The following DPH6 variants were observed in gnomAD, a reference collection of about 807,000 sequenced individuals.
DPH6 encodes diphthamine biosynthesis 6.
A neutral mutation model predicts 38.2 loss-of-function variants in DPH6; 33 were observed. The observed-to-expected ratio is 0.86, with a 90% confidence interval of 0.65 to 1.15. The LOEUF is 1.15. Among genes scored for constraint, DPH6 ranks in the 50% most tolerant of loss-of-function variants. The pLI is 0.00. For missense variants in DPH6, 325 were observed against 320.0 expected (o/e 1.02, Z -0.12); for synonymous variants, 108 against 103.0 (o/e 1.05, Z -0.30).
At chr15:35,250,251 G>A (rs531192061) in intron 3 of DPH6, among the ~76,000 whole-genome samples, 54 of 152,010 alleles carry the variant, frequency 3.6e-4, no homozygotes, top group African/African-American at 1.2e-3. Flanking sequence ...ATACCCTAAT[G>A]GCTTAACATT....
chr15:35,248,001 G>A (rs2051647561), intron 3 of DPH6, among the ~76,000 whole-genome samples: 1 of 152,142 alleles, frequency 6.6e-6, no homozygotes, highest in Non-Finnish European at 1.5e-5. Flanking sequence ...AAAATCAATG[G>A]TAAATAGTGC....
chr15:35,341,206 T>C (rs1208971352), intron 3 of DPH6, among the ~76,000 whole-genome samples: 1 of 152,160 alleles, frequency 6.6e-6, no homozygotes, highest in Non-Finnish European at 1.5e-5. Context: ...GTTCTCATGT[T>C]GTTTTTCAGC....
At chr15:35,154,771 A>G in the DPH6 span, among the ~76,000 whole-genome samples, 2 of 152,156 alleles carry the variant, frequency 1.3e-5, no homozygotes, top group Non-Finnish European at 2.9e-5. Flanking sequence ...TACTCATAGT[A>G]GCCTTAACAC....
At chr15:35,207,871 GA>G in the DPH6 span, among the ~76,000 whole-genome samples, 5 of 151,942 alleles carry the variant, frequency 3.3e-5, no homozygotes, top group African/African-American at 1.2e-4. Context: ...CCACTAACCG[GA>G]ATTCTCAAAT....
At chr15:35,304,622 C>G (rs1251683397) in intron 3 of DPH6, among the ~76,000 whole-genome samples, 1 of 151,922 alleles carries the variant, frequency 6.6e-6, no homozygotes, top group African/African-American at 2.4e-5. Context: ...GAAGGATTAC[C>G]ACAGTTAAGT....
intron 3 of DPH6, among the ~76,000 whole-genome samples, chr15:35,252,902 A>G: frequency 6.6e-6 from 1 of 152,344 alleles, no homozygotes; most frequent in East Asian, 1.9e-4. Flanking sequence ...TTCTTTATCC[A>G]GTTGAGAAAT....
intron 2 of DPH6, among the ~76,000 whole-genome samples, chr15:35,540,503 A>G (rs971807171): frequency 6.6e-6 from 1 of 152,082 alleles, no homozygotes; most frequent in Non-Finnish European, 1.5e-5. Flanking sequence ...ATAATTCCCA[A>G]TGTCCTGCTG....
chr15:35,326,103 A>T, downstream of DPH6, among the ~76,000 whole-genome samples: 1 of 152,210 alleles, frequency 6.6e-6, no homozygotes, highest in East Asian at 1.9e-4. Context: ...GGAAGTAGAA[A>T]TTGGCACTAT....
In DPH6 at chr15:35,243,344, C is replaced by T. The variant is rs1158226287; in HGVS notation, n.201-22762G>A. ...CATACCACCCCCCAAAAATTTTCGC[C>T]GCCCCAACACTTCAACACTATTTTG... is the stretch of plus-strand genomic sequence containing the variant. On this transcript the variant is annotated intron_variant and non_coding_transcript_variant, in intron 3 of 3. Transcript: ENST00000560386. Among the ~76,000 whole-genome samples, 5 of 141,692 alleles carry T rather than the reference C, an allele frequency of 3.5e-5. 2 individuals are homozygous for T. Among genetic ancestry groups the T allele is most frequent in the Admixed American group, 3.1e-4 (4 of 12,978 alleles). The allele number at this position is 141,692 out of a possible 152,430, so 93.0% of individuals were successfully genotyped here.
the DPH6 span, among the ~76,000 whole-genome samples, chr15:35,200,374 G>A: frequency 5.9e-5 from 9 of 152,074 alleles, no homozygotes; most frequent in African/African-American, 2.2e-4. Flanking sequence ...ATAAAAGCAG[G>A]AACATTTTGA....
intron 3 of DPH6, among the ~76,000 whole-genome samples, chr15:35,250,159 C>T (rs1195720065): frequency 2.0e-5 from 3 of 151,586 alleles, no homozygotes; most frequent in African/African-American, 7.3e-5. Flanking sequence ...GCCTGGGTGA[C>T]ACAGCGAGAT....
At chr15:35,455,958 T>A (rs1432650079) in intron 3 of DPH6, among the ~76,000 whole-genome samples, 1 of 152,180 alleles carries the variant, frequency 6.6e-6, no homozygotes, top group African/African-American at 2.4e-5. Flanking sequence ...AAGGATGCCA[T>A]AATAAATAAA....
At chr15:35,354,002 T>C (rs1275809366) in intron 3 of DPH6, among the ~76,000 whole-genome samples, 2 of 152,178 alleles carry the variant, frequency 1.3e-5, no homozygotes, top group African/African-American at 2.4e-5. Flanking sequence ...TCACATCCCT[T>C]ATAAGTTGGA....
chr15:35,152,188 T>C, the DPH6 span, among the ~76,000 whole-genome samples: 1 of 152,164 alleles, frequency 6.6e-6, no homozygotes, highest in African/African-American at 2.4e-5. Flanking sequence ...ATGGTAAAAT[T>C]AGTTTTCTTA....
At chr15:35,145,778 A>G in the DPH6 span, among the ~76,000 whole-genome samples, 1 of 152,228 alleles carries the variant, frequency 6.6e-6, no homozygotes, top group Non-Finnish European at 1.5e-5. Flanking sequence ...TTATTTATGC[A>G]CTGTGAAAAG....
intron 3 of DPH6, among the ~76,000 whole-genome samples, chr15:35,344,730 AC>A (rs974891516): frequency 2.6e-4 from 39 of 152,052 alleles, no homozygotes; most frequent in African/African-American, 9.4e-4. Flanking sequence ...TAACTGAATA[AC>A]TTTATTCAGC....
At chr15:35,305,937 A>T (rs1410167022) in intron 3 of DPH6, among the ~76,000 whole-genome samples, 1 of 152,146 alleles carries the variant, frequency 6.6e-6, no homozygotes, top group East Asian at 1.9e-4. Context: ...ACATCTGTGC[A>T]CTTTGGATCA....
intron 3 of DPH6, among the ~76,000 whole-genome samples, chr15:35,259,031 C>T (rs1336857697): frequency 5.9e-5 from 9 of 151,618 alleles, no homozygotes; most frequent in East Asian, 3.9e-4. Context: ...CCTGTAATCC[C>T]GCTACTGGGG....
intron 5 of DPH6, among the ~76,000 whole-genome samples, chr15:35,448,604 T>C (rs2141074421): frequency 6.6e-6 from 1 of 152,254 alleles, no homozygotes; most frequent in East Asian, 1.9e-4. Context: ...GGCAGCACTG[T>C]TTATCACAGT....
Sources: allele counts gnomAD v4.1 joint callset (sites outside exome capture counted in the v4.1 genomes callset), GRCh38; gene constraint gnomAD v4.1.1; transcripts MANE v1.5; gene names NCBI Gene and HGNC (gene_info 2026-07-23, HGNC 2026-07-21).